ADGRL3: variants seen among roughly 807,000 people sequenced by gnomAD.
ADGRL3 encodes adhesion G protein-coupled receptor L3.
Under a neutral mutation model 153.5 loss-of-function variants are expected in ADGRL3, and 62 were observed. The ratio of observed to expected loss-of-function variants is 0.40; its 90% CI spans 0.33 to 0.50. ADGRL3 has a LOEUF of 0.50. ADGRL3 is among the 20% of genes least tolerant of loss of function. The pLI is 0.47. For missense variants in ADGRL3, 1,641 were observed against 1,859.4 expected, an observed-to-expected ratio of 0.88 and a Z score of 2.16; for synonymous variants, 710 against 672.5, an observed-to-expected ratio of 1.06 and a Z score of -0.86.
intron 21 of ADGRL3, among the ~76,000 whole-genome samples, chr4:62,005,761 G>A (rs2099155156): frequency 6.6e-6 from 1 of 151,402 alleles, no homozygotes; most frequent in South Asian, 2.1e-4. Context: ...ATAAATCAGA[G>A]AATAGTTACA....
intron 17 of ADGRL3, among the ~76,000 whole-genome samples, chr4:61,963,079 T>G (rs978488788): frequency 1.3e-5 from 2 of 152,034 alleles, no homozygotes; most frequent in African/African-American, 2.4e-5. Context: ...TAGGACAGTT[T>G]GTTTAAGCAA....
At chr4:61,543,500 C>A (rs558185006) in intron 4 of ADGRL3, among the ~76,000 whole-genome samples, 1 of 152,226 alleles carries the variant, frequency 6.6e-6, no homozygotes, top group East Asian at 1.9e-4. Context: ...GAGAAGCATG[C>A]CAGATTTTTG....
chr4:61,914,287 C>T (rs530251556), intron 13 of ADGRL3, among the ~76,000 whole-genome samples: 88 of 152,148 alleles, frequency 5.8e-4, no homozygotes, highest in African/African-American at 2.0e-3. Context: ...GCGTGGTTTC[C>T]GTAGGGAAGG....
chr4:61,482,339 T>C (rs1471947835), intron 2 of ADGRL3, among the ~76,000 whole-genome samples: 1 of 152,204 alleles, frequency 6.6e-6, no homozygotes, highest in Non-Finnish European at 1.5e-5. Flanking sequence ...CTTTAAAGTA[T>C]TCAGATACCG....
chr4:61,334,207 G>A (rs767116226), intron 1 of ADGRL3, among the ~76,000 whole-genome samples: 5 of 152,216 alleles, frequency 3.3e-5, no homozygotes, highest in Admixed American at 6.5e-5. Context: ...GTAAGCCACC[G>A]CGCCCAGCCA....
At chr4:61,491,580 C>A (rs1333276227) in intron 2 of ADGRL3, among the ~76,000 whole-genome samples, 2 of 151,950 alleles carry the variant, frequency 1.3e-5, no homozygotes, top group East Asian at 1.9e-4. Context: ...TAATTTATAT[C>A]ATTTCTTTTT....
At chr4:61,634,741 T>C (rs558729422) in intron 5 of ADGRL3, among the ~76,000 whole-genome samples, 3 of 152,250 alleles carry the variant, frequency 2.0e-5, no homozygotes, top group Admixed American at 1.3e-4. Flanking sequence ...AGCTTAATGA[T>C]AAAAGTAAGC....
chr4:61,362,413 T>C (rs2096300696), intron 1 of ADGRL3, among the ~76,000 whole-genome samples: 1 of 151,888 alleles, frequency 6.6e-6, no homozygotes, highest in African/African-American at 2.4e-5. Context: ...CCCCTCCACC[T>C]GTCCCCCAAC....
At chr4:61,712,154 G>T (rs577901545) in intron 6 of ADGRL3, among the ~76,000 whole-genome samples, 91 of 152,146 alleles carry the variant, frequency 6.0e-4, no homozygotes, top group African/African-American at 2.2e-3. Context: ...AGCACTTTGG[G>T]AAGCTGCCAC....
chr4:62,029,931 T>C (rs549909057), intron 22 of ADGRL3, among the ~76,000 whole-genome samples: 176 of 151,728 alleles, frequency 1.2e-3, no homozygotes, highest in Non-Finnish European at 1.8e-3. Context: ...GTTAGTATAC[T>C]TCTGAATCCA....
chr4:61,200,517 CGCCGCCGCT>C lies in ADGRL3; in HGVS notation c.-1485_-1477del, dbSNP rs1466663976. Among the ~76,000 whole-genome samples the C allele has an allele frequency of 4.6e-5, 7 of 151,624 alleles. No homozygotes were observed. The East Asian group carries it at 1.4e-3, about 30-fold the overall frequency. On this transcript the variant is annotated 5_prime_UTR_variant, in exon 1 of 27. Coordinates refer to ENST00000683033, the MANE Select transcript of ADGRL3 (RefSeq NM_001387552.1). Reference sequence around the variant, plus strand: ...TCGGGGTGGGCGCCGCCGCCGCCGCCGCCGCCGCTGCTGCTGGTTTTTCTCGGACTGCTC... The same window carrying C: ...TCGGGGTGGGCGCCGCCGCCGCCGCCGCTGCTGGTTTTTCTCGGACTGCTC...
intron 1 of ADGRL3, among the ~76,000 whole-genome samples, chr4:61,221,064 A>G (rs747755162): frequency 2.6e-5 from 4 of 152,194 alleles, no homozygotes; most frequent in African/African-American, 7.2e-5. Context: ...ACAATTTAAG[A>G]AAACAGTGTC....
intron 8 of ADGRL3, among the ~76,000 whole-genome samples, chr4:61,780,322 C>G (rs2097199966): frequency 6.6e-6 from 1 of 152,138 alleles, no homozygotes; most frequent in African/African-American, 2.4e-5. Context: ...TAGCTGTAAT[C>G]AATTAACACA....
intron 11 of ADGRL3, among the ~76,000 whole-genome samples, chr4:61,904,449 T>C (rs2098685867): frequency 6.6e-6 from 1 of 152,152 alleles, no homozygotes; most frequent in Non-Finnish European, 1.5e-5. Flanking sequence ...CGCCTGGCCT[T>C]CTTTATTATC....
chr4:62,050,911 T>G (rs1298112342), intron 25 of ADGRL3, among the ~76,000 whole-genome samples: 1 of 151,784 alleles, frequency 6.6e-6, no homozygotes, highest in Non-Finnish European at 1.5e-5. Flanking sequence ...TAACAAACTA[T>G]TTTTATTTTG....
intron 1 of ADGRL3, among the ~76,000 whole-genome samples, chr4:61,358,044 T>C (rs989114497): frequency 6.6e-6 from 1 of 152,192 alleles, no homozygotes; most frequent in African/African-American, 2.4e-5. Flanking sequence ...ATATTTCTCT[T>C]TTCTTCCTCT....
At chr4:62,059,672 A>T (rs10003099) in intron 25 of ADGRL3, among the ~76,000 whole-genome samples, 3,897 of 152,250 alleles carry the variant, frequency 0.026, 179 homozygotes, top group African/African-American at 0.09. Flanking sequence ...CTACAGATCA[A>T]TAACTGATTC....
intron 1 of ADGRL3, among the ~76,000 whole-genome samples, chr4:61,297,991 A>G (rs1315909222): frequency 6.6e-6 from 1 of 152,172 alleles, no homozygotes; most frequent in African/African-American, 2.4e-5. Context: ...TAAGGCAATT[A>G]TATAATACTT....
intron 1 of ADGRL3, among the ~76,000 whole-genome samples, chr4:61,294,100 T>G (rs2094322531): frequency 6.6e-6 from 1 of 152,142 alleles, no homozygotes; most frequent in African/African-American, 2.4e-5. Flanking sequence ...CGAAAATACT[T>G]CGAAATTGGA....
Sources: gnomAD v4.1 joint callset for allele counts (sites outside exome capture counted in the v4.1 genomes callset) on GRCh38, gnomAD v4.1.1 for gene constraint, MANE v1.5 for transcripts, NCBI Gene and HGNC (gene_info 2026-07-23, HGNC 2026-07-21) for gene names.